Variants in NAV3 observed in about 807,000 individuals in gnomAD.
NAV3 encodes the protein pore membrane and/or filament interacting like protein 1.
A neutral mutation model predicts 244.7 loss-of-function variants in NAV3; 87 were observed. That is an observed-to-expected ratio of 0.36 (90% CI 0.30 to 0.42). NAV3 has a LOEUF of 0.42. NAV3 is among the 20% of genes least tolerant of loss of function. The pLI, the probability that NAV3 is intolerant of heterozygous loss-of-function variation, is 1.00. For missense variants in NAV3, 2,663 were observed against 2,893.3 expected, an observed-to-expected ratio of 0.92 and a Z score of 1.83; for synonymous variants, 1,126 against 1,042.2, an observed-to-expected ratio of 1.08 and a Z score of -1.55.
intron 38 of NAV3, among the ~76,000 whole-genome samples, chr12:78,201,072 C>CTTTTTTT (rs549973376): frequency 3.3e-5 from 3 of 90,310 alleles, no homozygotes; most frequent in East Asian, 3.5e-4. Context: ...TCTTCTCCTT[C>CTTTTTTT]TTTTTTTTTT....
intron 1 of NAV3, among the ~76,000 whole-genome samples, chr12:77,907,582 A>C (rs1886124566): frequency 6.6e-6 from 1 of 152,140 alleles, no homozygotes; most frequent in Non-Finnish European, 1.5e-5. Context: ...CATTTCAACC[A>C]AACGTTAACT....
At chr12:77,745,514 AG>A (rs1868490802) in intron 2 of NAV3, among the ~76,000 whole-genome samples, 2 of 152,178 alleles carry the variant, frequency 1.3e-5, no homozygotes, top group South Asian at 4.1e-4. Flanking sequence ...CCAGATATTC[AG>A]GGGGAGAGAA....
At chr12:77,689,721 C>T (rs541538285) in intron 2 of NAV3, among the ~76,000 whole-genome samples, 5 of 151,750 alleles carry the variant, frequency 3.3e-5, no homozygotes, top group African/African-American at 9.7e-5. Flanking sequence ...CATCAAATCA[C>T]CATTACTAAA....
chr12:77,966,129 A>T, intron 3 of NAV3, 100 bp from the exon 4 acceptor site: 2 of 995,366 alleles, frequency 2.0e-6, no homozygotes, highest in Admixed American at 3.8e-5. Flanking sequence ...ATGAATGTAA[A>T]CTATTCATTC....
chr12:77,867,404 TTTGTTGTTGTTGTTG>T (rs61105303), intron 1 of NAV3, among the ~76,000 whole-genome samples: 8 of 151,590 alleles, frequency 5.3e-5, no homozygotes, highest in African/African-American at 1.9e-4. Flanking sequence ...CAGGTATGTT[TTTGTTGTTGTTGTTG>T]TTGTTGTTGT....
intron 2 of NAV3, among the ~76,000 whole-genome samples, chr12:77,580,839 A>C (rs764694557): frequency 3.3e-5 from 5 of 152,242 alleles, no homozygotes; most frequent in Non-Finnish European, 7.3e-5. Context: ...CTCTAGTGGC[A>C]GTCATGGAGA....
chr12:77,590,141 C>T (rs117067742), intron 2 of NAV3, among the ~76,000 whole-genome samples: 4,305 of 152,270 alleles, frequency 0.028, 82 homozygotes, highest in Middle Eastern at 0.085. Context: ...CTTTCCATAT[C>T]ATAAATGGCA....
In NAV3 at chr12:78,163,157, T is replaced by C. The variant is rs552822985; in HGVS notation, c.4869+3871T>C. 3.3e-5 allele frequency among the ~76,000 whole-genome samples: 5 copies of C among 151,710 alleles called. No individual in the cohort carries two copies. The East Asian group carries it at 5.8e-4, about 18-fold the overall frequency. Reference sequence around the variant, plus strand: ...TAAATTAAGACTCAGATTCTAGTCTTTGGGCTTCACAGTGTGATTTTCAGC... The same window carrying C: ...TAAATTAAGACTCAGATTCTAGTCTCTGGGCTTCACAGTGTGATTTTCAGC... On this transcript the variant is annotated intron_variant, in intron 23 of 39. Transcript: ENST00000397909.
At chr12:77,890,321 G>T (rs774060161) in intron 1 of NAV3, among the ~76,000 whole-genome samples, 2 of 151,644 alleles carry the variant, frequency 1.3e-5, no homozygotes, top group Admixed American at 6.6e-5. Context: ...TCACCCTGTT[G>T]CCCAGGCTGG....
At position 77,850,576 on chromosome 12, in the gene NAV3, A is replaced by G. The variant is rs192109587; in HGVS notation, c.243+18872A>G. 3.0e-3 allele frequency among the ~76,000 whole-genome samples: 463 copies of G among 152,318 alleles called. 1 individual carries two copies. Among genetic ancestry groups the G allele is most frequent in the Non-Finnish European group, 4.7e-3 (320 of 68,024 alleles). On this transcript the variant is annotated intron_variant, in intron 1 of 39. Coordinates refer to ENST00000397909, the MANE Select transcript of NAV3 (RefSeq NM_001024383.2). ...GGTGATGATGGGGGAAACCTAAATT[A>G]AGCTATTTTCTTTTGGTTTGAGAAA...
intron 2 of NAV3, among the ~76,000 whole-genome samples, chr12:77,628,882 T>TG (rs1163252047): frequency 7.1e-6 from 1 of 141,536 alleles, no homozygotes; most frequent in Non-Finnish European, 1.5e-5. Flanking sequence ...GCCTGGGCGA[T>TG]GGGAGTGAGA....
intron 2 of NAV3, among the ~76,000 whole-genome samples, chr12:77,785,705 G>A (rs1004621264): frequency 2.0e-5 from 3 of 152,182 alleles, no homozygotes; most frequent in Admixed American, 1.3e-4. Flanking sequence ...TACCTTGTTT[G>A]TAAGCATTAA....
In NAV3 at chr12:78,118,052, C is replaced by G. The variant is rs1427394124; in HGVS notation, c.2795C>G (p.Ser932Cys). The G allele has an allele frequency of 6.2e-7, 1 of 1,612,362 alleles. No homozygotes were observed. The highest frequency in any genetic ancestry group is 8.5e-7 in the Non-Finnish European group (1 of 1,179,262). ...CTGAGGACAGATTCAGAGAAACGCT[C>G]CACCACAGACGAGACCTGGGATAGT... ...TQLRTDSEKR[S>C]TTDETWDSPE... Residue 932 changes from serine (S) to cysteine (C), a missense_variant, in exon 14 of 40, where the codon TCC (serine) becomes TGC (cysteine). Ser to Cys is a moderately radical substitution (Grantham distance 112). Coordinates refer to ENST00000397909, the MANE Select transcript of NAV3 (RefSeq NM_001024383.2).
rs919382627 is a variant in NAV3, at chr12:77,902,718, T to C, written c.244-37601T>C. On this transcript the variant is annotated intron_variant, in intron 1 of 39. Transcript: ENST00000397909. Reference sequence around the variant, plus strand: ...AAGTCAAATTGTCCCTGTTTGCAGATGACATGATTGTATATCTAGAAAACC... The same window carrying C: ...AAGTCAAATTGTCCCTGTTTGCAGACGACATGATTGTATATCTAGAAAACC... Among the ~76,000 whole-genome samples, 4 of 152,286 alleles carry C rather than the reference T, an allele frequency of 2.6e-5. No homozygotes were observed. The East Asian group carries it at 7.7e-4, about 29-fold the overall frequency.
chr12:77,592,859 A>G (rs1180974928), intron 2 of NAV3, among the ~76,000 whole-genome samples: 1 of 152,228 alleles, frequency 6.6e-6, no homozygotes, highest in East Asian at 1.9e-4. Flanking sequence ...CAAAGCCTAT[A>G]GAATAAAAAG....
Position 78,198,590 on chromosome 12 carries a change from T to C in NAV3, c.6447-15T>C. 4.7e-6 allele frequency: 7 copies of C among 1,501,294 alleles called. No individual in the cohort carries two copies. Among genetic ancestry groups the C allele is most frequent in the Non-Finnish European group, 6.4e-6 (7 of 1,095,870 alleles). 93.0% of individuals were successfully genotyped at this position (1,501,294 alleles called of 1,614,324 possible). The stretch of plus-strand genomic sequence containing the variant: ...ACCTCCAGTAAATTAAAATTTTCTA[T>C]TTATTTTTTTCTAGTCCATATATTA... On this transcript the variant is annotated splice_polypyrimidine_tract_variant and intron_variant, in intron 35 of 39. Coordinates refer to ENST00000397909, the MANE Select transcript of NAV3 (RefSeq NM_001024383.2).
chr12:77,879,440 G>A (rs186336724), intron 1 of NAV3, among the ~76,000 whole-genome samples: 2 of 152,070 alleles, frequency 1.3e-5, no homozygotes, highest in African/African-American at 4.8e-5. Flanking sequence ...GGTCCAGGCA[G>A]GTGGATCACT....
chr12:78,176,983 A>T (rs1565763511), intron 26 of NAV3, among the ~76,000 whole-genome samples, 158 bp from the exon 27 acceptor site: 1 of 148,880 alleles, frequency 6.7e-6, no homozygotes, highest in African/African-American at 2.5e-5. Flanking sequence ...ACACGGTATC[A>T]TTTTTTTTTT....
intron 1 of NAV3, among the ~76,000 whole-genome samples, chr12:77,938,648 G>A (rs965056296): frequency 6.6e-6 from 1 of 152,012 alleles, no homozygotes; most frequent in African/African-American, 2.4e-5. Flanking sequence ...AAAACACTTA[G>A]CAGCCCCATT....
Sources: gnomAD v4.1 joint callset for allele counts (sites outside exome capture counted in the v4.1 genomes callset) on GRCh38, gnomAD v4.1.1 for gene constraint, MANE v1.5 for transcripts, NCBI Gene and HGNC (gene_info 2026-07-23, HGNC 2026-07-21) for gene names.